The following NSUN6 variants were observed in gnomAD, a reference collection of about 807,000 sequenced individuals.
NSUN6 encodes the protein tRNA (cytosine(72)-C(5))-methyltransferase NSUN6.
Under a neutral mutation model 58.0 loss-of-function variants are expected in NSUN6, and 64 were observed. The observed-to-expected ratio is 1.10, with a 90% CI of 0.90 to 1.36. The LOEUF (loss-of-function observed/expected upper bound fraction) is 1.36, where lower values mean the gene tolerates loss of function less well. NSUN6 is among the 40% of genes most tolerant of loss of function. The pLI is 0.00. For synonymous variants in NSUN6, 231 were observed against 193.9 expected (o/e 1.19, Z -1.59); for missense variants, 701 against 550.1 (o/e 1.27, Z -2.74).
chr10:18,572,854 T>C (rs2056448155), intron 8 of NSUN6, among the ~76,000 whole-genome samples: 1 of 150,766 alleles, frequency 6.6e-6, no homozygotes, highest in African/African-American at 2.4e-5. Flanking sequence ...CATTCCTTTC[T>C]GCATTTCATT....
intron 6 of NSUN6, among the ~76,000 whole-genome samples, chr10:18,605,286 A>G (rs1466714755): frequency 2.6e-5 from 4 of 152,146 alleles, no homozygotes; most frequent in African/African-American, 9.7e-5. Context: ...AATCTGGGAC[A>G]ATTTCAGCAC....
intron 8 of NSUN6, among the ~76,000 whole-genome samples, chr10:18,564,552 T>C (rs2055780991): frequency 6.6e-6 from 1 of 151,342 alleles, no homozygotes. Context: ...GTCCATTCCA[T>C]TCCATTCTCT....
intron 1 of NSUN6, 113 bp downstream of exon 1, chr10:18,651,013 AAGT>A (rs2131610700): frequency 8.4e-7 from 1 of 1,193,812 alleles, no homozygotes; most frequent in Non-Finnish European, 1.2e-6. Flanking sequence ...CTTGATAGAC[AAGT>A]AGTAAGGAAC....
At chr10:18,659,327 G>A (rs1436528044), upstream of NSUN6, 1 of 343,474 alleles carries the variant, frequency 2.9e-6, no homozygotes, top group African/African-American at 2.2e-5. Flanking sequence ...GGTGGTCCTG[G>A]GATCCGGAGG....
At position 18,609,875 on chromosome 10, in the gene NSUN6, G is replaced by A. The variant is rs758688318; in HGVS notation, c.627C>T (p.Asp209=). 1.9e-6 allele frequency: 3 copies of A among 1,603,342 alleles called. No individual in the cohort carries two copies. The highest frequency in any genetic ancestry group is 3.3e-5 in the Admixed American group (2 of 59,990). Reference sequence around the variant, plus strand: ...AAAATAAGTAACGGGGCAGTACACTGTCAAATGAAGGGCTGAGATATACTG... The same window carrying A: ...AAAATAAGTAACGGGGCAGTACACTATCAAATGAAGGGCTGAGATATACTG... The part of the protein sequence containing the change: ...TEPVYLSPSF[D]SVLPRYLFLQ... The change falls in exon 6 of 11, where the codon GAC becomes GAT. Residue 209 remains aspartate, a synonymous_variant. Transcript: ENST00000377304.
intron 3 of NSUN6, among the ~76,000 whole-genome samples, chr10:18,628,748 G>A (rs1194898363): frequency 6.6e-6 from 1 of 152,134 alleles, no homozygotes; most frequent in Admixed American, 6.5e-5. Flanking sequence ...AGAAATATGG[G>A]ACTATGTGAA....
At chr10:18,650,675 T>G (rs1261102142) in intron 1 of NSUN6, among the ~76,000 whole-genome samples, 2 of 152,162 alleles carry the variant, frequency 1.3e-5, no homozygotes, top group Non-Finnish European at 2.9e-5. Context: ...TCAAGTCTAT[T>G]AAAAGAGGAA....
In NSUN6 at chr10:18,551,968, T is replaced by A; in HGVS notation, c.926A>T (p.Glu309Val). 6.3e-7 allele frequency: 1 copy of A among 1,595,892 alleles called. No individual in the cohort carries two copies. The highest frequency in any genetic ancestry group is 8.6e-7 in the Non-Finnish European group (1 of 1,165,180). Residue 309 changes from glutamate (E) to valine (V), a missense_variant, in exon 9 of 11, where the codon GAA (glutamate) becomes GTA (valine). Transcript: ENST00000377304. The part of the protein sequence containing the change: ...KLDMVEDTEG[E>V]PPFLPESFDR... ...AAAGGATTCTGGTAGAAATGGAGGT[T>A]CTCCTATAAAGAGAATTATAATCAT...
At chr10:18,552,042 C>A in intron 8 of NSUN6, 71 bp from the exon 9 acceptor site, 2 of 838,474 alleles carry the variant, frequency 2.4e-6, no homozygotes. Context: ...CTGAGATGAG[C>A]AGGAATTTAA....
Position 18,599,214 on chromosome 10 carries a change from T to C in NSUN6, c.658-2887A>G, listed in dbSNP as rs141099270. On this transcript the variant is annotated intron_variant, in intron 6 of 10. Coordinates refer to ENST00000377304, the MANE Select transcript of NSUN6 (RefSeq NM_182543.5). ...CACCACACCTGGCTAATCTTTAAAATTTCTTGTAGAGATGGGGTAGCACTA... is the reference window on the plus strand; with the variant it reads ...CACCACACCTGGCTAATCTTTAAAACTTCTTGTAGAGATGGGGTAGCACTA... Among the ~76,000 whole-genome samples, 206 of 152,204 alleles carry C rather than the reference T, an allele frequency of 1.4e-3. 2 individuals are homozygous for C. The highest frequency in any genetic ancestry group is 4.8e-3 in the African/African-American group (198 of 41,542).
chr10:18,611,380 A>G (rs1398657048), intron 5 of NSUN6, among the ~76,000 whole-genome samples: 1 of 152,116 alleles, frequency 6.6e-6, no homozygotes, highest in East Asian at 1.9e-4. Flanking sequence ...ACATGCATCT[A>G]CATGCATGTG....
At chr10:18,554,739 GGAATGGAATGGA>G (rs779023905) in intron 8 of NSUN6, among the ~76,000 whole-genome samples, 61 of 151,254 alleles carry the variant, frequency 4.0e-4, no homozygotes, top group Non-Finnish European at 7.7e-4. Context: ...AGAATGTATG[GGAATGGAATGGA>G]GAATGGAATG....
rs573397366 is a variant in NSUN6, at chr10:18,586,824, C to T, written c.778-731G>A. On this transcript the variant is annotated intron_variant, in intron 7 of 10. Transcript: ENST00000377304. ...CAGCTTTTATTCCCTTATTTGGCCCCGCCCACATCCTGCCTATTGGTCCAT... is the reference window on the plus strand; with the variant it reads ...CAGCTTTTATTCCCTTATTTGGCCCTGCCCACATCCTGCCTATTGGTCCAT... Among the ~76,000 whole-genome samples the T allele has an allele frequency of 7.9e-5, 12 of 152,268 alleles. No individual in the cohort carries two copies. In the East Asian group the frequency reaches 2.1e-3, roughly 27 times the overall value.
chr10:18,614,204 A>C (rs1007039276), intron 5 of NSUN6, among the ~76,000 whole-genome samples: 5 of 152,170 alleles, frequency 3.3e-5, no homozygotes, highest in African/African-American at 1.2e-4. Flanking sequence ...TTTGAAAAAA[A>C]TAAAATTCAG....
intron 7 of NSUN6, among the ~76,000 whole-genome samples, chr10:18,591,097 T>C (rs1291237909): frequency 1.3e-5 from 2 of 152,182 alleles, no homozygotes; most frequent in African/African-American, 4.8e-5. Flanking sequence ...CATCAGAGAA[T>C]ACTATAAACC....
intron 8 of NSUN6, among the ~76,000 whole-genome samples, chr10:18,552,525 A>C (rs1032511327): frequency 1.3e-5 from 2 of 152,098 alleles, no homozygotes; most frequent in African/African-American, 4.8e-5. Context: ...CTAACTTCTA[A>C]TCTATTTAAT....
At chr10:18,582,062 G>T (rs574700946) in intron 8 of NSUN6, among the ~76,000 whole-genome samples, 5 of 152,008 alleles carry the variant, frequency 3.3e-5, no homozygotes, top group African/African-American at 1.2e-4. Flanking sequence ...CTTACCAGCC[G>T]AAAGTCCCTA....
rs144347480 is a variant in NSUN6, at chr10:18,567,552, T to C, written c.923-15581A>G. On this transcript the variant is annotated intron_variant, in intron 8 of 10. Transcript: ENST00000377304. ...CATTCCGTTCTCCATTCCATTCTCT[T>C]CCATTCTCCATTCCGTTCCATTCCA... is the stretch of plus-strand genomic sequence containing the variant. Among the ~76,000 whole-genome samples, 63 of 150,898 alleles carry C rather than the reference T, an allele frequency of 4.2e-4. 2 individuals are homozygous for C. In the East Asian group the frequency reaches 0.011, roughly 26 times the overall value.
intron 3 of NSUN6, among the ~76,000 whole-genome samples, chr10:18,630,263 A>G (rs1468341433): frequency 6.6e-6 from 1 of 150,548 alleles, no homozygotes; most frequent in Non-Finnish European, 1.5e-5. Flanking sequence ...CAGTATGTAG[A>G]GGGAAATTTA....
Sources: allele counts gnomAD v4.1 joint callset (sites outside exome capture counted in the v4.1 genomes callset), GRCh38; gene constraint gnomAD v4.1.1; transcripts MANE v1.5; gene names NCBI Gene and HGNC (gene_info 2026-07-23, HGNC 2026-07-21).